Variants in LIPA observed in about 807,000 individuals in gnomAD.
LIPA encodes lipase A, lysosomal acid type.
In LIPA, 26 loss-of-function variants were observed where a neutral mutation model predicts 40.6. That is an observed-to-expected ratio of 0.64 (90% CI 0.47 to 0.89). The LOEUF is 0.89. Ranked by LOEUF, LIPA falls within the 40% of genes least tolerant of loss-of-function variation. The pLI is 0.00. For synonymous variants in LIPA, 188 were observed against 168.4 expected (o/e 1.12, Z -0.90); for missense variants, 455 against 479.6 (o/e 0.95, Z 0.48).
chr10:89,264,229 C>G (rs1355510637), intron 1 of LIPA, among the ~76,000 whole-genome samples: 2 of 152,170 alleles, frequency 1.3e-5, no homozygotes. Flanking sequence ...TTCAGGGGGT[C>G]CTGAGTTCTT....
intron 3 of LIPA, among the ~76,000 whole-genome samples, chr10:89,241,481 T>C (rs1159550856): frequency 6.6e-6 from 1 of 152,178 alleles, no homozygotes; most frequent in East Asian, 1.9e-4. Flanking sequence ...AAAAATAGTT[T>C]CTTTAGAAGT....
At chr10:89,413,766 C>CAAAAAAA (rs376455922) in intron 1 of LIPA, among the ~76,000 whole-genome samples, 1 of 82,892 alleles carries the variant, frequency 1.2e-5, no homozygotes, top group African/African-American at 5.3e-5. Flanking sequence ...GACCCTGTCT[C>CAAAAAAA]AAAAAAAAAA....
In LIPA at chr10:89,372,398, A is replaced by G. The variant is rs563613990; in HGVS notation, c.61+40393T>C. On this transcript the variant is annotated intron_variant, in intron 2 of 8. Transcript: ENST00000371837. ...TGCCAAACACTTCAGGTTAAAGACCAAAAGTTAACTGAGGAAGTTTTTCAT... is the reference window on the plus strand; with the variant it reads ...TGCCAAACACTTCAGGTTAAAGACCGAAAGTTAACTGAGGAAGTTTTTCAT... Among the ~76,000 whole-genome samples, 6 of 152,384 alleles carry G rather than the reference A, an allele frequency of 3.9e-5. No individual in the cohort carries two copies. In the South Asian group the frequency reaches 1.0e-3, roughly 26 times the overall value.
chr10:89,378,410 T>C (rs750431478), intron 2 of LIPA, among the ~76,000 whole-genome samples: 9 of 152,064 alleles, frequency 5.9e-5, no homozygotes, highest in Non-Finnish European at 1.2e-4. Context: ...TTTACAACAG[T>C]GGTAACATGA....
chr10:89,328,755 T>C (rs1472086953), intron 1 of LIPA, among the ~76,000 whole-genome samples: 1 of 152,198 alleles, frequency 6.6e-6, no homozygotes, highest in African/African-American at 2.4e-5. Flanking sequence ...AAAAAAAGAA[T>C]TTCTCCTCAA....
chr10:89,336,843 C>T (rs184774662), intron 1 of LIPA, among the ~76,000 whole-genome samples: 97 of 152,222 alleles, frequency 6.4e-4, no homozygotes, highest in African/African-American at 1.8e-3. Context: ...CTTATGGTGC[C>T]GTGACTCCAC....
At chr10:89,227,123 G>A (rs1293147646) in intron 4 of LIPA, 119 bp from the exon 5 acceptor site, 1 of 738,960 alleles carries the variant, frequency 1.4e-6, no homozygotes, top group Non-Finnish European at 2.4e-6. Flanking sequence ...AACCAGCAGT[G>A]AGTCCAGGAA....
At chr10:89,383,525 C>T (rs1002549954) in intron 2 of LIPA, 10 of 1,614,012 alleles carry the variant, frequency 6.2e-6, no homozygotes, top group Non-Finnish European at 8.5e-6. Context: ...AATGAGGAAG[C>T]CCTGGTCAGC....
At chr10:89,283,394 A>G (rs560276725) in intron 1 of LIPA, among the ~76,000 whole-genome samples, 3 of 152,340 alleles carry the variant, frequency 2.0e-5, no homozygotes, top group South Asian at 2.1e-4. Flanking sequence ...TCTTTGCTCA[A>G]TTAAACTCTA....
intron 1 of LIPA, among the ~76,000 whole-genome samples, chr10:89,281,339 T>C (rs1265165916): frequency 2.6e-5 from 4 of 152,230 alleles, no homozygotes; most frequent in Non-Finnish European, 4.4e-5. Flanking sequence ...TTAGTAATTT[T>C]CCATCCACTC....
In LIPA at chr10:89,270,183, T is replaced by A. The variant is rs543674682; in HGVS notation, c.-1-22534A>T. On this transcript the variant is annotated intron_variant, in intron 1 of 5. Transcript: ENST00000282673. The stretch of plus-strand genomic sequence containing the variant: ...AATATATTTGACAAATGTTATATTG[T>A]CTATTTGTGTTGGTAAAGATCAGCT... Among the ~76,000 whole-genome samples, 10 of 152,368 alleles carry A rather than the reference T, an allele frequency of 6.6e-5. No individual in the cohort carries two copies. The South Asian group carries it at 1.9e-3, about 28-fold the overall frequency.
intron 2 of LIPA, chr10:89,412,552 A>G (rs1003914849): frequency 5.8e-6 from 1 of 172,038 alleles, no homozygotes; most frequent in Non-Finnish European, 1.3e-5. Flanking sequence ...CACGTCGTGG[A>G]AGTTTTGTTC....
chr10:89,215,817 C>G (rs995645429), intron 9 of LIPA, 121 bp downstream of exon 9: 12 of 783,954 alleles, frequency 1.5e-5, no homozygotes, highest in African/African-American at 3.4e-5. Flanking sequence ...AAAACAAACA[C>G]TAGTCAACTC....
upstream of LIPA, among the ~76,000 whole-genome samples, chr10:89,256,593 G>T (rs1404155369): frequency 1.3e-5 from 2 of 152,252 alleles, no homozygotes; most frequent in Admixed American, 1.3e-4. Context: ...CAGCATTTCT[G>T]TGTGTCAGAC....
intron 2 of LIPA, among the ~76,000 whole-genome samples, chr10:89,352,547 T>G (rs1409796953): frequency 6.6e-6 from 1 of 152,314 alleles, no homozygotes; most frequent in East Asian, 1.9e-4. Context: ...GCCTGTGGCT[T>G]CTGGTTGGAG....
intron 1 of LIPA, among the ~76,000 whole-genome samples, chr10:89,261,871 C>T (rs1053487841): frequency 6.6e-6 from 1 of 152,218 alleles, no homozygotes; most frequent in African/African-American, 2.4e-5. Context: ...GCTCCCCTCC[C>T]TATCCCTGAA....
intron 1 of LIPA, chr10:89,306,832 G>A: frequency 3.1e-6 from 5 of 1,614,038 alleles, no homozygotes; most frequent in Non-Finnish European, 4.2e-6. Flanking sequence ...GCTGCTATAG[G>A]GCAAAAGTCT....
At chr10:89,382,929 A>T (rs901996660) in intron 2 of LIPA, among the ~76,000 whole-genome samples, 1 of 152,206 alleles carries the variant, frequency 6.6e-6, no homozygotes, top group African/African-American at 2.4e-5. Flanking sequence ...TAAGGAACCC[A>T]CCTTTCTGTG....
intron 1 of LIPA, among the ~76,000 whole-genome samples, chr10:89,262,245 A>G (rs1430297573): frequency 6.6e-6 from 1 of 152,188 alleles, no homozygotes; most frequent in Non-Finnish European, 1.5e-5. Flanking sequence ...AAAAATCAGC[A>G]TATACCATCT....
Sources: gnomAD v4.1 joint callset for allele counts (sites outside exome capture counted in the v4.1 genomes callset) on GRCh38, gnomAD v4.1.1 for gene constraint, MANE v1.5 for transcripts, NCBI Gene and HGNC (gene_info 2026-07-23, HGNC 2026-07-21) for gene names.